Variants in IQSEC2 observed in about 807,000 individuals in gnomAD.
IQSEC2 encodes IQ motif and SEC7 domain-containing protein 2.
In IQSEC2, 6 loss-of-function variants were observed where a neutral mutation model predicts 74.6. The ratio of observed to expected loss-of-function variants is 0.08; its 90% confidence interval spans 0.04 to 0.16. The LOEUF (loss-of-function observed/expected upper bound fraction) is 0.16. IQSEC2 is among the 10% of genes least tolerant of loss of function. The pLI is 1.00. For synonymous variants in IQSEC2, 494 were observed against 544.5 expected (o/e 0.91, Z 1.29); for missense variants, 734 against 1,306.2 (o/e 0.56, Z 6.75).
chrX:53,268,111 G>T (rs2074687249), intron 2 of IQSEC2, among the ~76,000 whole-genome samples: 1 of 111,404 alleles, frequency 9.0e-6, no homozygotes, highest in African/African-American at 3.3e-5. Flanking sequence ...AGACAGTTGG[G>T]CTGGGAGGGG....
intron 8 of IQSEC2, among the ~76,000 whole-genome samples, chrX:53,244,479 T>C (rs1353110657): frequency 1.0e-4 from 11 of 104,837 alleles, no homozygotes; most frequent in South Asian, 4.3e-4. Flanking sequence ...TGAACCATGA[T>C]TGCACCACTG....
chrX:53,236,680 A>C (rs1264496929), intron 12 of IQSEC2, among the ~76,000 whole-genome samples, 185 bp from the exon 13 acceptor site: 2 of 109,625 alleles, frequency 1.8e-5, no homozygotes, highest in African/African-American at 6.7e-5. Context: ...CAGCTCCATC[A>C]CCGAAGCACC....
chrX:53,252,350 CA>C (rs2074402521), intron 4 of IQSEC2, among the ~76,000 whole-genome samples: 1 of 97,390 alleles, frequency 1.0e-5, no homozygotes, highest in Non-Finnish European at 2.1e-5. Context: ...CATGAGCTAC[CA>C]CACCTGGCCA....
downstream of IQSEC2, among the ~76,000 whole-genome samples, chrX:53,232,077 G>A (rs1556858464): frequency 9.0e-6 from 1 of 111,553 alleles, no homozygotes; most frequent in Non-Finnish European, 1.9e-5. Context: ...TAAGATCCAG[G>A]ACATAATCAG....
intron 2 of IQSEC2, among the ~76,000 whole-genome samples, chrX:53,288,328 C>G (rs782254897): frequency 9.8e-4 from 110 of 112,104 alleles, no homozygotes; most frequent in African/African-American, 3.4e-3. Flanking sequence ...TCTCCTCCAA[C>G]TGCAGTGGCT....
intron 2 of IQSEC2, among the ~76,000 whole-genome samples, chrX:53,285,091 G>A (rs1400303670): frequency 4.5e-5 from 5 of 112,092 alleles, no homozygotes; most frequent in African/African-American, 1.6e-4. Flanking sequence ...GTTCTGGCCT[G>A]CAACACTCTT....
At chrX:53,240,236 G>A (rs2074197543) in intron 10 of IQSEC2, among the ~76,000 whole-genome samples, 1 of 112,267 alleles carries the variant, frequency 8.9e-6, no homozygotes, top group African/African-American at 3.2e-5. Context: ...TGCTCAACTG[G>A]GGGTGATATT....
intron 2 of IQSEC2, among the ~76,000 whole-genome samples, chrX:53,261,656 CCA>C (rs63636261): frequency 0.084 from 9,135 of 108,669 alleles, 378 homozygotes; most frequent in African/African-American, 0.16. Flanking sequence ...ACGGACACAA[CCA>C]CACACACACA....
In IQSEC2 at chrX:53,281,510, G is replaced by C. The variant is rs1203913557; in HGVS notation, c.737+10385C>G. 8.8e-6 allele frequency: 10 copies of C among 1,142,672 alleles called. No individual in the cohort carries two copies. Among genetic ancestry groups the C allele is most frequent in the South Asian group, 2.0e-5 (1 of 51,139 alleles). 94.2% of individuals were successfully genotyped at this position (1,142,672 alleles called of 1,213,427 possible). On this transcript the variant is annotated intron_variant, in intron 2 of 14. Coordinates refer to ENST00000642864, the MANE Select transcript of IQSEC2 (RefSeq NM_001111125.3). Reference sequence around the variant, plus strand: ...CAGGTTCCTACCTGCTGCTCCTCCCGGGGGGCTCCATGGGTCTGGACCTGT... The same window carrying C: ...CAGGTTCCTACCTGCTGCTCCTCCCCGGGGGCTCCATGGGTCTGGACCTGT...
intron 2 of IQSEC2, among the ~76,000 whole-genome samples, chrX:53,274,501 G>A (rs1377415664): frequency 1.4e-5 from 1 of 70,412 alleles, no homozygotes; most frequent in Non-Finnish European, 2.4e-5. Context: ...TTGCTCTGTT[G>A]CCCAGGCTGG....
In IQSEC2 at chrX:53,315,896, C is replaced by T. The variant is rs1426962105; in HGVS notation, c.707+4521G>A. The stretch of plus-strand genomic sequence containing the variant: ...AGGGCAGGCAGCAAGTCTGGTCTGA[C>T]GTCTTCCTCCCAGCTGCCACCTCCA... On this transcript the variant is annotated intron_variant, in intron 1 of 14. Transcript: ENST00000642864. Among the ~76,000 whole-genome samples the T allele has an allele frequency of 5.4e-5, 6 of 111,488 alleles. No individual in the cohort carries two copies. In the East Asian group the frequency reaches 1.1e-3, roughly 21 times the overall value.
At chrX:53,289,559 G>A (rs57075940) in intron 2 of IQSEC2, among the ~76,000 whole-genome samples, 2,707 of 111,258 alleles carry the variant, frequency 0.024, 80 homozygotes, top group African/African-American at 0.083. Flanking sequence ...CTGCTCAGAC[G>A]CTGCCTGCTC....
downstream of IQSEC2, chrX:53,229,149 G>C (rs1192951973): frequency 8.9e-6 from 1 of 111,782 alleles, no homozygotes. Flanking sequence ...CCAAATCTTG[G>C]TTTCTAAATG....
intron 1 of IQSEC2, among the ~76,000 whole-genome samples, chrX:53,311,860 A>G (rs910252878): frequency 8.9e-6 from 1 of 112,051 alleles, no homozygotes; most frequent in Non-Finnish European, 1.9e-5. Context: ...AAGAGGCTGC[A>G]GTGAGCTGAG....
At chrX:53,275,728 CTTTTTTTTTT>C (rs1219701474) in intron 2 of IQSEC2, among the ~76,000 whole-genome samples, 3 of 81,705 alleles carry the variant, frequency 3.7e-5, no homozygotes, top group Non-Finnish European at 7.0e-5. Context: ...TGCCCTCATT[CTTTTTTTTTT>C]TTTTTTTTTT....
chrX:53,262,154 A>C (rs947864719), intron 2 of IQSEC2, among the ~76,000 whole-genome samples: 12 of 112,077 alleles, frequency 1.1e-4, no homozygotes, highest in African/African-American at 3.9e-4. Flanking sequence ...AGGAGTTGGT[A>C]GAGATGAAGA....
chrX:53,254,509 G>A (rs782168861), intron 4 of IQSEC2, 21 bp downstream of exon 4: 3 of 1,186,424 alleles, frequency 2.5e-6, no homozygotes, highest in South Asian at 3.8e-5. Flanking sequence ...GGGAAGAAAG[G>A]TCCTTTTCAG....
chrX:53,320,440 G>T lies in IQSEC2; in HGVS notation c.684C>A (p.Ser228Arg). 8.6e-7 allele frequency: 1 copy of T among 1,166,175 alleles called. No homozygotes were observed. The highest frequency in any genetic ancestry group is 1.1e-6 in the Non-Finnish European group (1 of 871,924). ...ACTTTCTCTGGAGGGTCGTGGCCGG[G>T]CTGGTGCTGGTACTGGTGCTGTGGC... is the stretch of plus-strand genomic sequence containing the variant. The part of the protein sequence containing the change: ...GGGHSTSTST[S>R]PATTLQRKSD... The change falls in exon 1 of 15, where the codon AGC (serine) becomes AGA (arginine). Residue 228 changes from serine to arginine, a missense_variant. Transcript: ENST00000642864.
At chrX:53,310,736 G>A (rs2146508896) in intron 1 of IQSEC2, among the ~76,000 whole-genome samples, 1 of 111,364 alleles carries the variant, frequency 9.0e-6, no homozygotes, top group South Asian at 3.8e-4. Flanking sequence ...CCTCTGAGCT[G>A]CCTCAGTTAC....
Sources: gnomAD v4.1 joint callset for allele counts (sites outside exome capture counted in the v4.1 genomes callset) on GRCh38, gnomAD v4.1.1 for gene constraint, MANE v1.5 for transcripts, NCBI Gene and HGNC (gene_info 2026-07-23, HGNC 2026-07-21) for gene names.